PRPF38A: variants seen among roughly 807,000 people sequenced by gnomAD.
PRPF38A encodes the protein pre-mRNA-splicing factor 38A.
Under a neutral mutation model 46.8 loss-of-function variants are expected in PRPF38A, and 11 were observed. The observed-to-expected ratio is 0.24, with a 90% CI of 0.15 to 0.39. The LOEUF is 0.39. PRPF38A is among the 10% of genes least tolerant of loss of function. The pLI, the probability that PRPF38A is intolerant of heterozygous loss-of-function variation, is 1.00. For synonymous variants in PRPF38A, 124 were observed against 136.2 expected (o/e 0.91, Z 0.62); for missense variants, 261 against 407.5 (o/e 0.64, Z 3.10).
intron 2 of PRPF38A, among the ~76,000 whole-genome samples, chr1:52,407,393 A>G (rs1648027783): frequency 1.3e-5 from 2 of 152,100 alleles, no homozygotes; most frequent in South Asian, 2.1e-4. Flanking sequence ...TCTGTGCTAT[A>G]CTTAGCACTT....
At chr1:52,414,017 C>A (rs1321803619) in intron 6 of PRPF38A, 26 bp downstream of exon 6, 6 of 1,508,156 alleles carry the variant, frequency 4.0e-6, no homozygotes, top group Non-Finnish European at 5.5e-6. Flanking sequence ...TGGCCTTTTC[C>A]CAGAAGATTT....
chr1:52,408,498 T>C (rs909382788), intron 2 of PRPF38A, 71 bp from the exon 3 acceptor site: 2 of 1,601,948 alleles, frequency 1.2e-6, no homozygotes, highest in African/African-American at 1.3e-5. Context: ...ACTACTGTCA[T>C]GAGAACAGCT....
chr1:52,414,388 A>G (rs1648232993), intron 6 of PRPF38A, among the ~76,000 whole-genome samples: 1 of 152,144 alleles, frequency 6.6e-6, no homozygotes, highest in South Asian at 2.1e-4. Flanking sequence ...CGGTCATGCA[A>G]ATGTTTTTCC....
At chr1:52,406,454 T>A (rs1414622925) in intron 2 of PRPF38A, among the ~76,000 whole-genome samples, 1 of 152,108 alleles carries the variant, frequency 6.6e-6, no homozygotes, top group Non-Finnish European at 1.5e-5. Context: ...GGGGTGAAAA[T>A]CAAACAACAA....
intron 6 of PRPF38A, among the ~76,000 whole-genome samples, chr1:52,414,204 G>C (rs1230545723): frequency 2.0e-5 from 3 of 152,202 alleles, no homozygotes; most frequent in Non-Finnish European, 4.4e-5. Context: ...GATTTAAGCA[G>C]AGCTTGGATA....
intron 3 of PRPF38A, among the ~76,000 whole-genome samples, chr1:52,410,542 C>A (rs1451444555): frequency 6.7e-6 from 1 of 149,014 alleles, no homozygotes; most frequent in Non-Finnish European, 1.5e-5. Flanking sequence ...CACTCTGTTG[C>A]CCAGGCTGGA....
chr1:52,414,952 ACTGC>A (rs1162068328), intron 8 of PRPF38A, 93 bp downstream of exon 8: 2 of 1,135,490 alleles, frequency 1.8e-6, no homozygotes, highest in Non-Finnish European at 2.6e-6. Flanking sequence ...GCCTGACTGT[ACTGC>A]CTAACAGAAA....
At chr1:52,408,743 T>C (rs1648068995) in intron 3 of PRPF38A, 53 bp downstream of exon 3, 1 of 1,596,268 alleles carries the variant, frequency 6.3e-7, no homozygotes, top group South Asian at 1.1e-5. Context: ...GTTTTTATTT[T>C]ACCAGTACTT....
At chr1:52,410,736 A>T (rs1186912748) in intron 3 of PRPF38A, among the ~76,000 whole-genome samples, 1 of 152,156 alleles carries the variant, frequency 6.6e-6, no homozygotes, top group Non-Finnish European at 1.5e-5. Flanking sequence ...TCCTAACCTC[A>T]AGTGATCTGC....
chr1:52,410,992 T>TA, intron 3 of PRPF38A, 123 bp from the exon 4 acceptor site: 1 of 646,984 alleles, frequency 1.5e-6, no homozygotes, highest in Non-Finnish European at 2.7e-6. Flanking sequence ...ATTCATCCCT[T>TA]AATCTCTTCT....
At chr1:52,405,572 A>G in intron 1 of PRPF38A, 108 bp from the exon 2 acceptor site, 1 of 970,406 alleles carries the variant, frequency 1.0e-6, no homozygotes, top group Middle Eastern at 3.3e-4. Context: ...CGTTCTCCTA[A>G]TATTACACTG....
At chr1:52,412,715 AT>A in intron 5 of PRPF38A, 91 bp downstream of exon 5, 1 of 833,856 alleles carries the variant, frequency 1.2e-6, no homozygotes. Context: ...TTTTAACTCT[AT>A]TGGCCGGGCG....
intron 2 of PRPF38A, 102 bp from the exon 3 acceptor site, chr1:52,408,467 A>G (rs1208775027): frequency 3.3e-6 from 5 of 1,517,986 alleles, no homozygotes; most frequent in South Asian, 2.3e-5. Flanking sequence ...TTACCTGCCA[A>G]AGAGAAGAAC....
intron 4 of PRPF38A, 93 bp downstream of exon 4, chr1:52,411,293 G>A (rs1648143555): frequency 1.2e-6 from 1 of 868,414 alleles, no homozygotes; most frequent in Non-Finnish European, 1.9e-6. Context: ...ACTGAAGCCT[G>A]TGGATCTTAT....
At position 52,416,816 on chromosome 1, in the gene PRPF38A, A is replaced by C; in HGVS notation, c.*126A>C. ...TAGTTTTTTTCTTATCAAGTTTCTC[A>C]ACCTTTATTTTTAATGAAGGAGGTG... On this transcript the variant is annotated 3_prime_UTR_variant, in exon 10 of 10. Coordinates refer to ENST00000257181, the MANE Select transcript of PRPF38A (RefSeq NM_032864.4). The C allele has an allele frequency of 5.4e-6, 4 of 746,042 alleles. No homozygotes were observed. The highest frequency in any genetic ancestry group is 9.3e-6 in the Non-Finnish European group (4 of 430,526). 46.2% of individuals were successfully genotyped at this position (746,042 alleles called of 1,614,324 possible).
intron 4 of PRPF38A, among the ~76,000 whole-genome samples, chr1:52,412,024 C>T (rs1053639730): frequency 6.6e-6 from 1 of 152,166 alleles, no homozygotes; most frequent in African/African-American, 2.4e-5. Context: ...CCTCTCTGAT[C>T]CTTAGCCACT....
At chr1:52,414,575 A>G in intron 6 of PRPF38A, 46 bp from the exon 7 acceptor site, 1 of 1,609,968 alleles carries the variant, frequency 6.2e-7, no homozygotes, top group South Asian at 1.1e-5. Context: ...AATCTACCAC[A>G]TCCAGTGCGC....
chr1:52,419,490 T>TA lies in PRPF38A; in HGVS notation c.*2801dup, dbSNP rs1648407024. 6.6e-6 allele frequency: 1 copy of TA among 152,012 alleles called. No individual in the cohort carries two copies. The highest frequency in any genetic ancestry group is 1.5e-5 in the Non-Finnish European group (1 of 68,020). 9.4% of individuals were successfully genotyped at this position (152,012 alleles called of 1,614,324 possible). ...AGTAGACCGAAGTTTAAATAAGCAT[T>TA]ATTTAGAAAAGAACGATCACAGATT... On this transcript the variant is annotated 3_prime_UTR_variant, in exon 10 of 10. Transcript: ENST00000257181.
chr1:52,413,672 T>A (rs1185129829), intron 5 of PRPF38A, among the ~76,000 whole-genome samples: 1 of 152,184 alleles, frequency 6.6e-6, no homozygotes, highest in African/African-American at 2.4e-5. Flanking sequence ...CCCTCTCCTA[T>A]GAGTCATTTT....
Sources: allele counts gnomAD v4.1 joint callset (sites outside exome capture counted in the v4.1 genomes callset), GRCh38; gene constraint gnomAD v4.1.1; transcripts MANE v1.5; gene names NCBI Gene and HGNC (gene_info 2026-07-23, HGNC 2026-07-21).